TMEM117: variants seen among roughly 807,000 people sequenced by gnomAD.
TMEM117 encodes the protein transmembrane protein 117.
In TMEM117, 27 loss-of-function variants were observed where a neutral mutation model predicts 52.4. That is an observed-to-expected ratio of 0.51 (90% confidence interval 0.38 to 0.71). The LOEUF (loss-of-function observed/expected upper bound fraction) is 0.71. Ranked by LOEUF, TMEM117 falls within the 30% of genes least tolerant of loss-of-function variation. The pLI is 0.00. For missense variants in TMEM117, 556 were observed against 630.5 expected (o/e 0.88, Z 1.26); for synonymous variants, 215 against 206.3 (o/e 1.04, Z -0.36).
At chr12:43,968,576 T>C (rs1945523034) in intron 3 of TMEM117, among the ~76,000 whole-genome samples, 1 of 152,214 alleles carries the variant, frequency 6.6e-6, no homozygotes, top group Non-Finnish European at 1.5e-5. Context: ...TGTCTATAAC[T>C]TAACTTTTAA....
chr12:44,229,430 A>G (rs1008520653), intron 5 of TMEM117, among the ~76,000 whole-genome samples: 1 of 152,246 alleles, frequency 6.6e-6, no homozygotes, highest in Non-Finnish European at 1.5e-5. Flanking sequence ...ATGACCTCCC[A>G]TTAGTTGAGA....
chr12:44,176,728 G>T (rs1949121248), intron 4 of TMEM117, among the ~76,000 whole-genome samples: 3 of 152,050 alleles, frequency 2.0e-5, no homozygotes, highest in Non-Finnish European at 2.9e-5. Context: ...AATTCTATAT[G>T]GAGAATCAAA....
At chr12:44,153,563 A>G (rs1403712269) in intron 4 of TMEM117, among the ~76,000 whole-genome samples, 1 of 152,056 alleles carries the variant, frequency 6.6e-6, no homozygotes, top group African/African-American at 2.4e-5. Context: ...CTATATTCCT[A>G]TTCCCTTTTG....
chr12:43,987,212 C>T (rs539676354), intron 3 of TMEM117, among the ~76,000 whole-genome samples: 10 of 152,140 alleles, frequency 6.6e-5, no homozygotes, highest in African/African-American at 2.4e-4. Context: ...AGAAGGTGGC[C>T]ATCTGCCAGT....
intron 5 of TMEM117, among the ~76,000 whole-genome samples, chr12:44,218,482 C>T (rs1419028145): frequency 6.6e-6 from 1 of 151,968 alleles, no homozygotes; most frequent in African/African-American, 2.4e-5. Context: ...AGGAATGTAC[C>T]CTCAACACGA....
chr12:44,038,494 C>G (rs1232553869), intron 3 of TMEM117, among the ~76,000 whole-genome samples: 1 of 152,204 alleles, frequency 6.6e-6, no homozygotes, highest in Non-Finnish European at 1.5e-5. Context: ...GCACCCCATA[C>G]TCAATTGCTC....
chr12:43,806,205 C>T, the TMEM117 span: 3 of 1,539,790 alleles, frequency 1.9e-6, no homozygotes, highest in South Asian at 3.6e-5. Context: ...CTGCGAGTCG[C>T]GCCGGGCGCT....
intron 3 of TMEM117, among the ~76,000 whole-genome samples, chr12:43,988,703 C>T (rs1945888161): frequency 1.3e-5 from 2 of 151,936 alleles, no homozygotes; most frequent in Admixed American, 1.3e-4. Flanking sequence ...TCTGATTTCA[C>T]CACGCTGCAC....
intron 2 of TMEM117, among the ~76,000 whole-genome samples, chr12:43,896,032 C>G (rs1189649954): frequency 3.6e-4 from 55 of 152,160 alleles, no homozygotes. Flanking sequence ...GTGGGTCTGC[C>G]TTTCCCAGTC....
chr12:44,396,777 C>T, the TMEM117 span, among the ~76,000 whole-genome samples: 1 of 149,894 alleles, frequency 6.7e-6, no homozygotes, highest in Non-Finnish European at 1.5e-5. Context: ...TCACTTGAAC[C>T]AGGGAGGCGG....
chr12:44,244,938 T>C (rs1006205556), intron 5 of TMEM117, among the ~76,000 whole-genome samples: 1 of 152,052 alleles, frequency 6.6e-6, no homozygotes, highest in Non-Finnish European at 1.5e-5. Flanking sequence ...GCACCACTTA[T>C]GAAGATACTG....
intron 3 of TMEM117, among the ~76,000 whole-genome samples, chr12:43,975,521 C>T (rs982554645): frequency 2.0e-5 from 3 of 152,224 alleles, no homozygotes; most frequent in Admixed American, 6.5e-5. Flanking sequence ...GTTTGCTGAC[C>T]ATCATGTAGC....
downstream of TMEM117, among the ~76,000 whole-genome samples, chr12:44,390,284 G>A (rs757586835): frequency 2.0e-5 from 3 of 151,234 alleles, no homozygotes; most frequent in Non-Finnish European, 4.4e-5. Flanking sequence ...CTATCTAAAG[G>A]AACTTACCAT....
At chr12:43,946,390 TTTTTGTTTG>T (rs1297181950) in intron 3 of TMEM117, among the ~76,000 whole-genome samples, 57 of 24,744 alleles carry the variant, frequency 2.3e-3, no homozygotes, top group African/African-American at 3.7e-3. Context: ...TTTTTTTTTT[TTTTTGTTTG>T]TTTTTTTATC....
chr12:43,954,184 C>G (rs1945269706), intron 3 of TMEM117, among the ~76,000 whole-genome samples: 1 of 152,018 alleles, frequency 6.6e-6, no homozygotes, highest in South Asian at 2.1e-4. Context: ...GCACTAAATG[C>G]CCACATGAAA....
intron 3 of TMEM117, among the ~76,000 whole-genome samples, chr12:43,974,503 GT>G (rs1945641239): frequency 6.6e-6 from 1 of 152,078 alleles, no homozygotes. Flanking sequence ...TCTTTCACAT[GT>G]TTTAAGAAAG....
At chr12:43,796,066 T>C in the TMEM117 span, among the ~76,000 whole-genome samples, 1 of 152,234 alleles carries the variant, frequency 6.6e-6, no homozygotes, top group Non-Finnish European at 1.5e-5. Flanking sequence ...CATTTACTCA[T>C]GACCCTTTCA....
At chr12:44,128,026 A>C (rs1948354888) in intron 3 of TMEM117, among the ~76,000 whole-genome samples, 1 of 152,202 alleles carries the variant, frequency 6.6e-6, no homozygotes, top group African/African-American at 2.4e-5. Context: ...AATAAATAAT[A>C]TTAGGTAGAT....
intron 3 of TMEM117, among the ~76,000 whole-genome samples, chr12:44,034,661 G>A (rs906518426): frequency 6.6e-6 from 1 of 152,136 alleles, no homozygotes; most frequent in Non-Finnish European, 1.5e-5. Flanking sequence ...TTGAGAAAAT[G>A]AAAATTCAAA....
Sources: gnomAD v4.1 joint callset for allele counts (sites outside exome capture counted in the v4.1 genomes callset) on GRCh38, gnomAD v4.1.1 for gene constraint, MANE v1.5 for transcripts, NCBI Gene and HGNC (gene_info 2026-07-23, HGNC 2026-07-21) for gene names.